SAMHD1: variants seen among roughly 807,000 people sequenced by gnomAD.
SAMHD1 encodes deoxynucleoside triphosphate triphosphohydrolase SAMHD1.
A neutral mutation model predicts 79.6 loss-of-function variants in SAMHD1; 54 were observed. That is an observed-to-expected ratio of 0.68 (90% CI 0.55 to 0.85). The LOEUF (loss-of-function observed/expected upper bound fraction) is 0.85. SAMHD1 is among the 40% of genes least tolerant of loss of function. The probability of loss-of-function intolerance (pLI) is 0.00; values close to 1 mark genes in which losing one functional copy is unlikely to be tolerated. For missense variants in SAMHD1, 663 were observed against 782.7 expected, an observed-to-expected ratio of 0.85 and a Z score of 1.82; for synonymous variants, 260 against 264.1, an observed-to-expected ratio of 0.98 and a Z score of 0.15.
intron 6 of SAMHD1, among the ~76,000 whole-genome samples, chr20:36,920,334 T>C (rs1368229960): frequency 1.3e-5 from 2 of 152,130 alleles, no homozygotes; most frequent in African/African-American, 4.8e-5. Flanking sequence ...CAGGTTGGTC[T>C]TGAACTCCTA....
chr20:36,921,584 AT>A (rs543679778), intron 6 of SAMHD1, among the ~76,000 whole-genome samples: 2,792 of 151,678 alleles, frequency 0.018, 42 homozygotes, highest in Non-Finnish European at 0.027. Flanking sequence ...TGCATCACTG[AT>A]TTTTTTGGAG....
chr20:36,942,374 C>T (rs146129325), intron 2 of SAMHD1, among the ~76,000 whole-genome samples: 7 of 152,044 alleles, frequency 4.6e-5, no homozygotes, highest in East Asian at 1.9e-4. Context: ...GCCGAGATGG[C>T]GCCATTGCAC....
chr20:36,935,495 A>C (rs1484679271), intron 3 of SAMHD1: 1 of 385,442 alleles, frequency 2.6e-6, no homozygotes, highest in Non-Finnish European at 4.8e-6. Flanking sequence ...TATTCAAGTT[A>C]AACATGCATA....
chr20:36,921,725 G>C (rs950886092), intron 6 of SAMHD1, among the ~76,000 whole-genome samples: 1 of 136,702 alleles, frequency 7.3e-6, no homozygotes, highest in Non-Finnish European at 1.6e-5. Context: ...TTTCCCTCTT[G>C]TTGCCCAGGC....
chr20:36,951,422 T>A lies in SAMHD1; in HGVS notation c.208+14A>T. 6.2e-7 allele frequency: 1 copy of A among 1,613,072 alleles called. No homozygotes were observed. Among genetic ancestry groups the A allele is most frequent in the Non-Finnish European group, 8.5e-7 (1 of 1,179,760 alleles). ...TCGCCGCCCTTCGCCCCTCAGCCCC[T>A]CCGGAGCCGCTACCTCGGATGTTCT... On this transcript the variant is annotated intron_variant, in intron 1 of 15. Coordinates refer to ENST00000646673, the MANE Select transcript of SAMHD1 (RefSeq NM_015474.4).
intron 4 of SAMHD1, 94 bp downstream of exon 4, chr20:36,934,935 G>A: frequency 7.5e-7 from 1 of 1,332,792 alleles, no homozygotes; most frequent in Non-Finnish European, 1.1e-6. Flanking sequence ...TGGGATTATA[G>A]GTGTGAGCCA....
chr20:36,898,310 G>A (rs922422096), intron 14 of SAMHD1, 130 bp downstream of exon 14: 5 of 751,492 alleles, frequency 6.7e-6, no homozygotes, highest in Non-Finnish European at 9.4e-6. Flanking sequence ...TTACAGGTAT[G>A]AGCTACTGTG....
At chr20:36,951,286 G>A in intron 1 of SAMHD1, 150 bp downstream of exon 1, 2 of 1,090,594 alleles carry the variant, frequency 1.8e-6, no homozygotes, top group Non-Finnish European at 2.6e-6. Flanking sequence ...TTTCCTCGGC[G>A]CCCCCAGCGC....
At chr20:36,930,102 AT>A (rs1407387014) in intron 5 of SAMHD1, among the ~76,000 whole-genome samples, 225 of 140,320 alleles carry the variant, frequency 1.6e-3, no homozygotes, top group African/African-American at 5.3e-3. Flanking sequence ...AAAAAAAAAA[AT>A]AAGCATAAGA....
At chr20:36,945,299 T>C (rs1201768049) in intron 2 of SAMHD1, among the ~76,000 whole-genome samples, 4 of 152,216 alleles carry the variant, frequency 2.6e-5, no homozygotes, top group Non-Finnish European at 4.4e-5. Context: ...TGTTATCCAT[T>C]TTACAGGTAC....
intron 13 of SAMHD1, among the ~76,000 whole-genome samples, chr20:36,899,650 T>C (rs1205081215): frequency 2.0e-5 from 3 of 151,984 alleles, no homozygotes; most frequent in Non-Finnish European, 4.4e-5. Flanking sequence ...CAAACAGGCT[T>C]AGGTGGGAAG....
At chr20:36,946,590 C>T (rs1015685328) in intron 2 of SAMHD1, 148 bp downstream of exon 2, 4 of 640,048 alleles carry the variant, frequency 6.2e-6, no homozygotes, top group Non-Finnish European at 1.1e-5. Flanking sequence ...AATGAACAAA[C>T]AAAACCAGCA....
intron 6 of SAMHD1, among the ~76,000 whole-genome samples, chr20:36,923,906 AT>A (rs1053172895): frequency 2.0e-5 from 3 of 152,182 alleles, no homozygotes; most frequent in Non-Finnish European, 4.4e-5. Flanking sequence ...ACATTTACAA[AT>A]TGCCTTGGGG....
intron 5 of SAMHD1, among the ~76,000 whole-genome samples, chr20:36,928,682 C>T (rs1213179812): frequency 6.8e-6 from 1 of 146,490 alleles, no homozygotes; most frequent in East Asian, 2.0e-4. Flanking sequence ...GAGATTCTGT[C>T]TCGGGAAAAA....
chr20:36,932,195 G>C (rs193280872), intron 4 of SAMHD1, among the ~76,000 whole-genome samples: 1 of 151,794 alleles, frequency 6.6e-6, no homozygotes, highest in South Asian at 2.1e-4. Flanking sequence ...TTGGAAGGCT[G>C]AGGCAGCTAC....
intron 11 of SAMHD1, among the ~76,000 whole-genome samples, chr20:36,909,317 T>C (rs1040607584): frequency 5.9e-5 from 9 of 152,122 alleles, no homozygotes; most frequent in Admixed American, 5.2e-4. Context: ...CTCTGACTGG[T>C]GTACACTTTT....
At chr20:36,940,503 A>T (rs1026903448) in intron 3 of SAMHD1, 3 of 163,016 alleles carry the variant, frequency 1.8e-5, no homozygotes, top group Non-Finnish European at 4.0e-5. Context: ...GTTTGAGACC[A>T]GCCTGAGCAA....
At chr20:36,913,757 T>TC (rs1491489237) in intron 9 of SAMHD1, among the ~76,000 whole-genome samples, 1 of 5,458 alleles carries the variant, frequency 1.8e-4, no homozygotes, top group African/African-American at 1.8e-3. Context: ...CATTCTTGAC[T>TC]TTTTTTTTTT....
At chr20:36,889,909 A>ATG (rs145364344), downstream of SAMHD1, 85,992 of 150,394 alleles carry the variant, frequency 0.57, 25,694 homozygotes, top group South Asian at 0.73. Context: ...TGTTCCATGA[A>ATG]TGTGTGTGTG....
Sources: gnomAD v4.1 joint callset for allele counts (sites outside exome capture counted in the v4.1 genomes callset) on GRCh38, gnomAD v4.1.1 for gene constraint, MANE v1.5 for transcripts, NCBI Gene and HGNC (gene_info 2026-07-23, HGNC 2026-07-21) for gene names.